The following IGSF11 variants were observed in gnomAD, a reference collection of about 807,000 sequenced individuals.
IGSF11 encodes the protein immunoglobulin superfamily member 11, also known as CXADR like 1.
A neutral mutation model predicts 41.0 loss-of-function variants in IGSF11; 22 were observed. That is an observed-to-expected ratio of 0.54 (90% CI 0.38 to 0.77). The LOEUF (loss-of-function observed/expected upper bound fraction) is 0.77, where lower values mean the gene tolerates loss of function less well. IGSF11 is among the 30% of genes least tolerant of loss of function. The pLI, the probability that IGSF11 is intolerant of heterozygous loss-of-function variation, is 0.00. For missense variants in IGSF11, 444 were observed against 530.8 expected (o/e 0.84, Z 1.61); for synonymous variants, 219 against 201.3 (o/e 1.09, Z -0.74).
intron 1 of IGSF11, among the ~76,000 whole-genome samples, chr3:119,068,931 T>C (rs1449496840): frequency 1.4e-5 from 2 of 143,892 alleles, no homozygotes; most frequent in Admixed American, 6.9e-5. Context: ...TTTTTTCTTT[T>C]TTTTTTTTTT....
intron 1 of IGSF11, among the ~76,000 whole-genome samples, chr3:118,992,174 G>A (rs1935850602): frequency 6.6e-6 from 1 of 152,174 alleles, no homozygotes; most frequent in Non-Finnish European, 1.5e-5. Context: ...AAAGAGAAAT[G>A]TACCAAAAAT....
rs1478237993 is a variant in IGSF11 at position 118,914,783 on chromosome 3, AGGCTCCACCTCTG to A, written c.581-9078_581-9066del. Among the ~76,000 whole-genome samples, 91 of 131,262 alleles carry A rather than the reference AGGCTCCACCTCTG, an allele frequency of 6.9e-4. 1 individual carries two copies. In the East Asian group the frequency reaches 0.019, roughly 27 times the overall value. 86.1% of individuals were successfully genotyped at this position (131,262 alleles called of 152,430 possible). On this transcript the variant is annotated intron_variant, in intron 4 of 6. Coordinates refer to ENST00000393775, the MANE Select transcript of IGSF11 (RefSeq NM_001015887.3). ...CTCAAGGAGGCCTGCCTGCCTCTGT[AGGCTCCACCTCTG>A]GGGGCAGGGCACAGACAAACAAAAA...
At chr3:118,993,835 G>C (rs770422059) in intron 1 of IGSF11, among the ~76,000 whole-genome samples, 14 of 152,162 alleles carry the variant, frequency 9.2e-5, no homozygotes, top group Non-Finnish European at 1.3e-4. Context: ...CTAGATTAGA[G>C]GTTTCCAAGG....
At chr3:119,133,315 C>T (rs992033640) in intron 1 of IGSF11, among the ~76,000 whole-genome samples, 44 of 152,052 alleles carry the variant, frequency 2.9e-4, no homozygotes, top group Admixed American at 5.9e-4. Context: ...ATTGATAGAA[C>T]GCTAGCAAGA....
In IGSF11 at chr3:118,946,886, C is replaced by T. The variant is rs113228208; in HGVS notation, c.53-16611G>A. Among the ~76,000 whole-genome samples the T allele has an allele frequency of 7.4e-4, 112 of 152,222 alleles. 1 individual carries two copies. Among genetic ancestry groups the T allele is most frequent in the African/African-American group, 2.4e-3 (99 of 41,548 alleles). ...CAGCACTTTGGGAGGCCAAGGCGGG[C>T]GGATCATGAGGTCAGGAGTTGCTTC... On this transcript the variant is annotated intron_variant, in intron 1 of 6. Coordinates refer to ENST00000393775, the MANE Select transcript of IGSF11 (RefSeq NM_001015887.3).
intron 1 of IGSF11, among the ~76,000 whole-genome samples, chr3:119,009,381 T>A (rs1937820389): frequency 6.6e-6 from 1 of 152,142 alleles, no homozygotes; most frequent in Non-Finnish European, 1.5e-5. Flanking sequence ...TCCCCACGTG[T>A]CAAGGGAGGG....
At position 118,973,801 on chromosome 3, in the gene IGSF11, G is replaced by A. The variant is rs568540126; in HGVS notation, c.53-43526C>T. On this transcript the variant is annotated intron_variant, in intron 1 of 6. Coordinates refer to ENST00000393775, the MANE Select transcript of IGSF11 (RefSeq NM_001015887.3). ...AAGAAGCAATGGCAGAGATGAACAC[G>A]ACACATTTTAAAGACAGGCAGGACA... is the stretch of plus-strand genomic sequence containing the variant. Among the ~76,000 whole-genome samples, 8 of 152,240 alleles carry A rather than the reference G, an allele frequency of 5.3e-5. No individual in the cohort carries two copies. In the South Asian group the frequency reaches 1.2e-3, roughly 24 times the overall value.
At chr3:118,911,333 CA>C (rs891895036) in intron 4 of IGSF11, among the ~76,000 whole-genome samples, 3 of 152,076 alleles carry the variant, frequency 2.0e-5, no homozygotes, top group African/African-American at 7.2e-5. Flanking sequence ...GTTTATTCAG[CA>C]CTTTTAGTGG....
chr3:118,929,212 T>C (rs1424189397), intron 2 of IGSF11, among the ~76,000 whole-genome samples: 2 of 152,214 alleles, frequency 1.3e-5, no homozygotes, highest in Non-Finnish European at 2.9e-5. Flanking sequence ...AGACTTAGAA[T>C]GACATAACAA....
chr3:119,077,259 G>A (rs1387347900), intron 1 of IGSF11, among the ~76,000 whole-genome samples: 1 of 151,922 alleles, frequency 6.6e-6, no homozygotes, highest in East Asian at 1.9e-4. Context: ...CACACACCAG[G>A]GCCTGTTGTG....
chr3:119,139,566 T>G (rs1559887809), intron 1 of IGSF11, among the ~76,000 whole-genome samples: 1 of 152,236 alleles, frequency 6.6e-6, no homozygotes, highest in Non-Finnish European at 1.5e-5. Context: ...CTGCCATCCA[T>G]GTAAGACGTG....
At chr3:118,997,280 G>T (rs1296658146) in intron 1 of IGSF11, among the ~76,000 whole-genome samples, 2 of 152,166 alleles carry the variant, frequency 1.3e-5, no homozygotes, top group Non-Finnish European at 2.9e-5. Context: ...ACAGGACTAA[G>T]ACTATTTTAG....
chr3:119,083,126 C>CTTTTTTT (rs79620142), intron 1 of IGSF11, among the ~76,000 whole-genome samples: 27 of 129,080 alleles, frequency 2.1e-4, no homozygotes, highest in Admixed American at 2.4e-4. Flanking sequence ...TTTCTTTTTT[C>CTTTTTTT]TTTTTTTTTT....
chr3:119,050,021 C>T (rs529583303), intron 1 of IGSF11, among the ~76,000 whole-genome samples: 5,121 of 146,186 alleles, frequency 0.035, 318 homozygotes, highest in African/African-American at 0.12. Context: ...AAGACTTAAA[C>T]GTTAGACCTA....
rs10575505 is a variant in IGSF11, at chr3:118,935,301, C to CATAT, written c.53-5030_53-5027dup. ...CTGAGGAAATATCAGGGTGTATATA[C>CATAT]ATATATATATATATATATGTATATA... is the stretch of plus-strand genomic sequence containing the variant. On this transcript the variant is annotated intron_variant, in intron 1 of 6. Coordinates refer to ENST00000393775, the MANE Select transcript of IGSF11 (RefSeq NM_001015887.3). Among the ~76,000 whole-genome samples, 68 of 122,246 alleles carry CATAT rather than the reference C, an allele frequency of 5.6e-4. 1 individual carries two copies. The highest frequency in any genetic ancestry group is 1.9e-3 in the South Asian group (7 of 3,752). 80.2% of individuals were successfully genotyped at this position (122,246 alleles called of 152,430 possible).
chr3:119,040,597 G>A (rs1449831710), intron 1 of IGSF11, among the ~76,000 whole-genome samples: 2 of 152,246 alleles, frequency 1.3e-5, no homozygotes, highest in East Asian at 1.9e-4. Flanking sequence ...TTAGTATTCT[G>A]TCATTAACAT....
At chr3:119,004,534 A>G (rs1287405278) in intron 1 of IGSF11, among the ~76,000 whole-genome samples, 1 of 138,718 alleles carries the variant, frequency 7.2e-6, no homozygotes, top group South Asian at 2.5e-4. Context: ...TTGCTTTTCT[A>G]GTTCTTTTAA....
chr3:119,007,646 C>G (rs1209672815), intron 1 of IGSF11, among the ~76,000 whole-genome samples: 1 of 152,160 alleles, frequency 6.6e-6, no homozygotes, highest in Non-Finnish European at 1.5e-5. Flanking sequence ...CTCTCCAACA[C>G]CACAGAAAGC....
rs150707526 is a variant in IGSF11, at chr3:118,974,767, A to C, written c.53-44492T>G. Among the ~76,000 whole-genome samples the C allele has an allele frequency of 2.3e-3, 353 of 152,324 alleles. 1 individual carries two copies. The highest frequency in any genetic ancestry group is 4.0e-3 in the Non-Finnish European group (272 of 68,038). On this transcript the variant is annotated intron_variant, in intron 1 of 6. Coordinates refer to ENST00000393775, the MANE Select transcript of IGSF11 (RefSeq NM_001015887.3). Reference sequence around the variant, plus strand: ...GGTTTCCACCATATCACTATACCACAGAGCCCATCTTCTTTCATTCTACAA... The same window carrying C: ...GGTTTCCACCATATCACTATACCACCGAGCCCATCTTCTTTCATTCTACAA...
Sources: gnomAD v4.1 joint callset for allele counts (sites outside exome capture counted in the v4.1 genomes callset) on GRCh38, gnomAD v4.1.1 for gene constraint, MANE v1.5 for transcripts, NCBI Gene and HGNC (gene_info 2026-07-23, HGNC 2026-07-21) for gene names.